KCNT2: variants seen among roughly 807,000 people sequenced by gnomAD.
The protein encoded by KCNT2 is potassium sodium-activated channel subfamily T member 2.
A neutral mutation model predicts 153.8 loss-of-function variants in KCNT2; 67 were observed. That is an observed-to-expected ratio of 0.44 (90% CI 0.36 to 0.53). KCNT2 has a LOEUF of 0.53. Ranked by LOEUF, KCNT2 falls within the 20% of genes least tolerant of loss-of-function variation. The pLI is 0.00. For synonymous variants in KCNT2, 500 were observed against 458.8 expected (o/e 1.09, Z -1.15); for missense variants, 975 against 1,354.8 (o/e 0.72, Z 4.40).
intron 13 of KCNT2, among the ~76,000 whole-genome samples, chr1:196,392,226 G>T (rs1670554212): frequency 6.6e-6 from 1 of 151,214 alleles, no homozygotes; most frequent in East Asian, 2.0e-4. Flanking sequence ...AACAGTGTAA[G>T]TTTGATTTTT....
At chr1:196,388,321 T>C (rs1195817529) in intron 13 of KCNT2, among the ~76,000 whole-genome samples, 1 of 151,802 alleles carries the variant, frequency 6.6e-6, no homozygotes, top group East Asian at 1.9e-4. Flanking sequence ...ACAGTAAAGC[T>C]TCACAACAGA....
intron 1 of KCNT2, among the ~76,000 whole-genome samples, chr1:196,597,752 TC>T: frequency 6.6e-6 from 1 of 152,224 alleles, no homozygotes; most frequent in Non-Finnish European, 1.5e-5. Flanking sequence ...CTTGGTTTTT[TC>T]CTTATTATCT....
intron 12 of KCNT2, among the ~76,000 whole-genome samples, chr1:196,420,314 T>C (rs915504442): frequency 5.3e-5 from 8 of 152,028 alleles, no homozygotes; most frequent in African/African-American, 1.9e-4. Flanking sequence ...GATTGATTTC[T>C]ATTTCCAGAA....
intron 14 of KCNT2, among the ~76,000 whole-genome samples, chr1:196,354,400 T>C (rs1667006441): frequency 6.6e-6 from 1 of 151,746 alleles, no homozygotes; most frequent in East Asian, 1.9e-4. Context: ...TATTAGTTAC[T>C]TTTATATATT....
intron 11 of KCNT2, among the ~76,000 whole-genome samples, chr1:196,423,754 C>A (rs889863967): frequency 6.7e-6 from 1 of 150,148 alleles, no homozygotes; most frequent in African/African-American, 2.4e-5. Context: ...AAAATGGTTT[C>A]TATGGGGAGG....
chr1:196,385,193 A>G (rs1669860398), intron 13 of KCNT2, among the ~76,000 whole-genome samples: 1 of 152,116 alleles, frequency 6.6e-6, no homozygotes, highest in African/African-American at 2.4e-5. Flanking sequence ...ACCACCCCAA[A>G]CAGCCCACAC....
intron 8 of KCNT2, among the ~76,000 whole-genome samples, chr1:196,440,202 C>T (rs771633099): frequency 1.3e-5 from 2 of 151,836 alleles, no homozygotes; most frequent in Admixed American, 1.3e-4. Context: ...ATGATTTTAT[C>T]CTGGCAATTT....
At chr1:196,276,852 G>C (rs1658618097) in intron 25 of KCNT2, among the ~76,000 whole-genome samples, 2 of 151,970 alleles carry the variant, frequency 1.3e-5, no homozygotes, top group African/African-American at 4.8e-5. Context: ...ATAGTACCTT[G>C]TATGTGACCT....
At chr1:196,592,328 T>A (rs190709257) in intron 1 of KCNT2, among the ~76,000 whole-genome samples, 12 of 151,526 alleles carry the variant, frequency 7.9e-5, no homozygotes, top group African/African-American at 2.2e-4. Flanking sequence ...AGACAGAAAG[T>A]AGAAGAATGT....
intron 8 of KCNT2, among the ~76,000 whole-genome samples, chr1:196,430,293 T>C (rs191822235): frequency 6.6e-6 from 1 of 152,066 alleles, no homozygotes; most frequent in Admixed American, 6.6e-5. Flanking sequence ...GGTGAGACCA[T>C]TAAGAGGTGT....
intron 13 of KCNT2, among the ~76,000 whole-genome samples, chr1:196,398,117 T>C (rs1671103049): frequency 1.3e-5 from 2 of 151,500 alleles, no homozygotes; most frequent in Admixed American, 1.3e-4. Context: ...ATTAACTCTA[T>C]TTACATATAC....
intron 8 of KCNT2, among the ~76,000 whole-genome samples, chr1:196,437,587 C>G (rs550065348): frequency 2.6e-4 from 39 of 150,056 alleles, no homozygotes; most frequent in South Asian, 1.0e-3. Flanking sequence ...TTAGTTAATA[C>G]ATATCAAAGT....
In KCNT2 at chr1:196,326,771, G is replaced by A. The variant is rs902208535; in HGVS notation, c.2222C>T (p.Ala741Val). Residue 741 changes from alanine to valine, a missense_variant, in exon 19 of 28, where the codon GCA (alanine) becomes GTA (valine). Physicochemically the swap from Ala to Val is moderately conservative, Grantham distance 64 (BLOSUM62 0). Around this residue, in one of 6 missense-constraint regions of KCNT2, gnomAD observed 325 missense variants for 388.1 expected, o/e 0.84. Transcript: ENST00000294725. ...AAGTTCTTTCTTTGGTCTATAATAT[G>A]CCCTGAGAGGAACAATAAAGTTATA... is the stretch of plus-strand genomic sequence containing the variant. ...GLYNFIVPLRAYYRPKKELNP... is the reference protein window; with the variant it reads ...GLYNFIVPLRVYYRPKKELNP... 3 of 1,577,810 alleles carry A rather than the reference G, an allele frequency of 1.9e-6. No individual in the cohort carries two copies. In the African/African-American group the frequency reaches 4.1e-5, roughly 22 times the overall value.
chr1:196,402,173 A>C, intron 12 of KCNT2, among the ~76,000 whole-genome samples: 1 of 151,620 alleles, frequency 6.6e-6, no homozygotes, highest in East Asian at 1.9e-4. Flanking sequence ...ATACTACAAG[A>C]AAAGTTTAAG....
At chr1:196,537,947 C>T (rs1277212816) in intron 1 of KCNT2, among the ~76,000 whole-genome samples, 1 of 152,188 alleles carries the variant, frequency 6.6e-6, no homozygotes, top group Non-Finnish European at 1.5e-5. Flanking sequence ...AGTTCTGTAG[C>T]TGGGCCTCCA....
chr1:196,561,026 T>C (rs1659306777), intron 1 of KCNT2, among the ~76,000 whole-genome samples: 1 of 151,862 alleles, frequency 6.6e-6, no homozygotes, highest in South Asian at 2.1e-4. Flanking sequence ...AGAGGGGAAA[T>C]ATGCTTAGTT....
intron 1 of KCNT2, among the ~76,000 whole-genome samples, chr1:196,598,907 T>C (rs1203660225): frequency 1.3e-5 from 2 of 152,220 alleles, no homozygotes; most frequent in East Asian, 3.8e-4. Flanking sequence ...AAATACTATA[T>C]TCAATATTAT....
rs756985702 is a variant in KCNT2 at position 196,340,334 on chromosome 1, T to C, written c.1783+7A>G. ...ATTAATGATATTTCAAATTTGTTTATACTTACCCATGCTGGCAATTATGCT... is the reference window on the plus strand; with the variant it reads ...ATTAATGATATTTCAAATTTGTTTACACTTACCCATGCTGGCAATTATGCT... On this transcript the variant is annotated splice_region_variant and intron_variant, in intron 16 of 27. Transcript: ENST00000294725. The C allele has an allele frequency of 8.0e-6, 12 of 1,497,676 alleles. No individual in the cohort carries two copies. The highest frequency in any genetic ancestry group is 1.4e-5 in the African/African-American group (1 of 71,922). 92.8% of individuals were successfully genotyped at this position (1,497,676 alleles called of 1,614,324 possible).
intron 17 of KCNT2, 131 bp downstream of exon 17, chr1:196,333,716 A>G (rs1664715652): frequency 1.3e-5 from 8 of 637,850 alleles, no homozygotes; most frequent in Admixed American, 5.0e-5. Context: ...AGAAGTATAT[A>G]GGAATGATTC....
Sources: gnomAD v4.1 joint callset for allele counts (sites outside exome capture counted in the v4.1 genomes callset) on GRCh38, gnomAD v4.1.1 for gene constraint, gnomAD v4.1.1 regional missense constraint, MANE v1.5 for transcripts, NCBI Gene and HGNC (gene_info 2026-07-23, HGNC 2026-07-21) for gene names.